PARP10: variants seen among roughly 807,000 people sequenced by gnomAD.
The protein encoded by PARP10 is protein mono-ADP-ribosyltransferase PARP10.
PARP10 carries 56 observed loss-of-function variants against 82.4 expected under a neutral mutation model. The ratio of observed to expected loss-of-function variants is 0.68; its 90% CI spans 0.55 to 0.85. The LOEUF (loss-of-function observed/expected upper bound fraction) is 0.85, where lower values mean the gene tolerates loss of function less well. Among genes scored for constraint, PARP10 ranks in the 40% least tolerant of loss-of-function variants. The pLI, the probability that PARP10 is intolerant of heterozygous loss-of-function variation, is 0.00. For synonymous variants in PARP10, 576 were observed against 601.1 expected, an observed-to-expected ratio of 0.96 and a Z score of 0.61; for missense variants, 1,227 against 1,379.4, an observed-to-expected ratio of 0.89 and a Z score of 1.75.
intron 1 of PARP10, among the ~76,000 whole-genome samples, chr8:144,000,297 G>A (rs1834192889): frequency 6.6e-6 from 1 of 152,134 alleles, no homozygotes. Context: ...ATAAAACGGG[G>A]AAATTTGACC....
chr8:143,992,814 C>T, upstream of PARP10: 1 of 1,613,758 alleles, frequency 6.2e-7, no homozygotes. Context: ...TGTACATCCT[C>T]ACCATCATTG....
At chr8:143,979,262 C>G (rs938507363) in intron 9 of PARP10, among the ~76,000 whole-genome samples, 1 of 152,040 alleles carries the variant, frequency 6.6e-6, no homozygotes, top group Non-Finnish European at 1.5e-5. Context: ...CGTGAGCCAC[C>G]GCAGCTGGCC....
upstream of PARP10, chr8:143,991,168 C>G: frequency 7.7e-7 from 1 of 1,303,886 alleles, no homozygotes; most frequent in African/African-American, 1.5e-5. Flanking sequence ...GTCAAGCCAA[C>G]TGTTCCACTG....
At chr8:143,994,776 C>T (rs1554751135), upstream of PARP10, among the ~76,000 whole-genome samples, 1 of 152,212 alleles carries the variant, frequency 6.6e-6, no homozygotes, top group African/African-American at 2.4e-5. Flanking sequence ...CCCCCTTCCC[C>T]CACCTCCCCT....
chr8:143,977,472 T>A lies in PARP10; in HGVS notation c.*12A>T, dbSNP rs782753763. The A allele has an allele frequency of 2.6e-6, 4 of 1,530,762 alleles. No individual in the cohort carries two copies. Among genetic ancestry groups the A allele is most frequent in the Non-Finnish European group, 2.6e-6 (3 of 1,135,862 alleles). 94.8% of individuals were successfully genotyped at this position (1,530,762 alleles called of 1,614,324 possible). ...GCCTGGGAAGCAGGAGGCCAGAGGGTGGCCCCTTCGGTTAAGTGTCTGGGG... is the reference window on the plus strand; with the variant it reads ...GCCTGGGAAGCAGGAGGCCAGAGGGAGGCCCCTTCGGTTAAGTGTCTGGGG... On this transcript the variant is annotated 3_prime_UTR_variant, in exon 11 of 11. Coordinates refer to ENST00000313028, the MANE Select transcript of PARP10 (RefSeq NM_032789.5).
chr8:144,011,274 A>G lies in PARP10; in HGVS notation c.-80+1256T>C, dbSNP rs1339289075. Among the ~76,000 whole-genome samples, 1 of 152,126 alleles carries G rather than the reference A, an allele frequency of 6.6e-6. No individual in the cohort carries two copies. The highest frequency in any genetic ancestry group is 6.5e-5 in the Admixed American group (1 of 15,274). ...TCTATAAAGTTAGAGGGGTGACTGA[A>G]GAGACCTCAACTCTGGTTCTTGGGG... On this transcript the variant is annotated intron_variant, in intron 1 of 3. Transcript: ENST00000530478. The surrounding 1 kb of genome is among the most constrained non-coding windows in gnomAD (Gnocchi z 4.5).
chr8:143,993,343 T>A (rs1554750917), upstream of PARP10: 1 of 156,292 alleles, frequency 6.4e-6, no homozygotes, highest in East Asian at 1.9e-4. Flanking sequence ...GGATGGCATG[T>A]TTCAGGGGAG....
upstream of PARP10, chr8:143,993,394 A>G (rs1315465204): frequency 6.4e-6 from 1 of 157,270 alleles, no homozygotes; most frequent in African/African-American, 2.4e-5. Flanking sequence ...TGAAATTCCA[A>G]TAAATGGGAT....
intron 1 of PARP10, among the ~76,000 whole-genome samples, chr8:144,009,300 C>T (rs1834256289): frequency 6.6e-6 from 1 of 152,184 alleles, no homozygotes; most frequent in Non-Finnish European, 1.5e-5. Context: ...CTGACGCACA[C>T]TTTTTCGGTC....
chr8:143,996,535 C>G (rs1341465552), intron 1 of PARP10, among the ~76,000 whole-genome samples: 1 of 152,224 alleles, frequency 6.6e-6, no homozygotes, highest in Non-Finnish European at 1.5e-5. Context: ...GAAGCACCTT[C>G]AGAACAGAGA....
chr8:143,990,952 C>T, upstream of PARP10: 1 of 257,434 alleles, frequency 3.9e-6, no homozygotes, highest in Non-Finnish European at 7.4e-6. The surrounding 1 kb of genome is among the most constrained non-coding windows in gnomAD (Gnocchi z 5.6). Context: ...GGCGGTCGTC[C>T]CCTCGCCCGG....
chr8:144,012,305 T>C (rs1834293750), intron 1 of PARP10: 1 of 579,474 alleles, frequency 1.7e-6, no homozygotes, highest in East Asian at 2.8e-5. Context: ...GCAAGGCCTG[T>C]GTACAGGCCT....
upstream of PARP10, chr8:143,991,286 T>C: frequency 6.0e-6 from 9 of 1,499,638 alleles, no homozygotes; most frequent in Non-Finnish European, 8.1e-6. Context: ...ACCCTGGATA[T>C]CCGGGGGGGC....
chr8:143,991,757 G>A, upstream of PARP10: 1 of 1,613,936 alleles, frequency 6.2e-7, no homozygotes, highest in Non-Finnish European at 8.5e-7. Flanking sequence ...GGACTTCCCT[G>A]CCACCAACTG....
At chr8:143,988,500 CTG>C (rs1308150403), upstream of PARP10, among the ~76,000 whole-genome samples, 1 of 149,686 alleles carries the variant, frequency 6.7e-6, no homozygotes, top group Non-Finnish European at 1.5e-5. Flanking sequence ...GAGTCACACT[CTG>C]TTACGCAGGC....
At position 143,977,234 on chromosome 8, in the gene PARP10, C is replaced by G. The variant is rs1833708356; in HGVS notation, c.*250G>C. The G allele has an allele frequency of 3.8e-6, 2 of 525,466 alleles. No homozygotes were observed. Among genetic ancestry groups the G allele is most frequent in the Non-Finnish European group, 6.6e-6 (2 of 301,244 alleles). The allele number at this position is 525,466 out of a possible 1,614,324, so 32.6% of individuals were successfully genotyped here. A position where few individuals can be genotyped will look rare whatever the true frequency, so the allele number is the denominator to read the frequency against. ...AGCCGACTCGGGCGAGGTCTGGGAG[C>G]GGCGGGCGGGCGGTGTCGCCTCCTG... On this transcript the variant is annotated 3_prime_UTR_variant, in exon 11 of 11. Coordinates refer to ENST00000313028, the MANE Select transcript of PARP10 (RefSeq NM_032789.5).
At chr8:144,012,678 A>G (rs1834302450) in exon 1 of PARP10, 1 of 1,551,704 alleles carries the variant, frequency 6.4e-7, no homozygotes, top group Non-Finnish European at 8.7e-7. Flanking sequence ...CGGGTTCACG[A>G]GTGGGCTTGG....
intron 9 of PARP10, among the ~76,000 whole-genome samples, chr8:143,979,333 CCTT>C (rs1407602521): frequency 2.0e-5 from 3 of 152,176 alleles, no homozygotes; most frequent in Non-Finnish European, 2.9e-5. Context: ...AGAAGTCTCA[CCTT>C]CTCACATTGG....
upstream of PARP10, chr8:143,993,124 T>C: frequency 2.5e-6 from 1 of 397,942 alleles, no homozygotes; most frequent in Non-Finnish European, 4.7e-6. Context: ...GAGCCCTGTC[T>C]GCCAGCCCAC....
Sources: gnomAD v4.1 joint callset for allele counts (sites outside exome capture counted in the v4.1 genomes callset) on GRCh38, gnomAD v4.1.1 for gene constraint, Gnocchi (gnomAD v3.1) non-coding constraint, MANE v1.5 for transcripts, NCBI Gene and HGNC (gene_info 2026-07-23, HGNC 2026-07-21) for gene names.